CNTNAP5: variants seen among roughly 807,000 people sequenced by gnomAD.
CNTNAP5 encodes contactin associated protein family member 5, also known as contactin-associated protein-like 5.
In CNTNAP5, 72 loss-of-function variants were observed where a neutral mutation model predicts 150.2. That is an observed-to-expected ratio of 0.48 (90% CI 0.40 to 0.58). The LOEUF (loss-of-function observed/expected upper bound fraction) is 0.58. CNTNAP5 is among the 20% of genes least tolerant of loss of function. The pLI is 0.00. For synonymous variants in CNTNAP5, 672 were observed against 619.8 expected (o/e 1.08, Z -1.25); for missense variants, 1,636 against 1,626.2 (o/e 1.01, Z -0.10).
intron 7 of CNTNAP5, among the ~76,000 whole-genome samples, chr2:124,497,219 A>G (rs1694170806): frequency 6.6e-6 from 1 of 152,176 alleles, no homozygotes; most frequent in Non-Finnish European, 1.5e-5. Flanking sequence ...CACTAATAGT[A>G]AACAGTAATA....
chr2:124,031,906 A>G (rs979984372), intron 1 of CNTNAP5, among the ~76,000 whole-genome samples: 20 of 152,152 alleles, frequency 1.3e-4, no homozygotes, highest in African/African-American at 4.3e-4. Context: ...CATGAATCCT[A>G]TGTCATCTTT....
intron 8 of CNTNAP5, among the ~76,000 whole-genome samples, chr2:124,520,815 T>G (rs1694832634): frequency 6.6e-6 from 1 of 152,218 alleles, no homozygotes; most frequent in Non-Finnish European, 1.5e-5. Flanking sequence ...GCCATTTATC[T>G]CAAGGAAGTT....
At chr2:124,328,979 G>A (rs1689284982) in intron 3 of CNTNAP5, among the ~76,000 whole-genome samples, 1 of 152,178 alleles carries the variant, frequency 6.6e-6, no homozygotes, top group South Asian at 2.1e-4. Flanking sequence ...AGAAGGGCCA[G>A]ATGGCTGAAG....
At chr2:124,245,613 G>A (rs1686997442) in intron 3 of CNTNAP5, among the ~76,000 whole-genome samples, 2 of 150,386 alleles carry the variant, frequency 1.3e-5, no homozygotes, top group African/African-American at 2.4e-5. Flanking sequence ...ATATATATAT[G>A]CATGTGTGTG....
intron 3 of CNTNAP5, among the ~76,000 whole-genome samples, chr2:124,273,649 C>T (rs1237452944): frequency 6.6e-6 from 1 of 152,148 alleles, no homozygotes; most frequent in Non-Finnish European, 1.5e-5. Context: ...TAACCCCGAC[C>T]TGCTAAGCTG....
chr2:124,220,605 T>C (rs1309870188), intron 1 of CNTNAP5, among the ~76,000 whole-genome samples: 1 of 152,150 alleles, frequency 6.6e-6, no homozygotes. Flanking sequence ...GAGCAATTTA[T>C]AAGGAACAGA....
intron 19 of CNTNAP5, among the ~76,000 whole-genome samples, chr2:124,851,327 G>A (rs973632092): frequency 9.9e-5 from 15 of 152,182 alleles, no homozygotes; most frequent in Non-Finnish European, 1.8e-4. Context: ...CTGCACTCCA[G>A]CCTGGGCAAC....
At chr2:124,653,803 T>C (rs1678370629) in intron 13 of CNTNAP5, among the ~76,000 whole-genome samples, 1 of 152,074 alleles carries the variant, frequency 6.6e-6, no homozygotes, top group African/African-American at 2.4e-5. Flanking sequence ...TTTTTGAGTA[T>C]CTGTTTTGTG....
chr2:124,377,640 A>T (rs1414419771), intron 3 of CNTNAP5, among the ~76,000 whole-genome samples: 2 of 151,272 alleles, frequency 1.3e-5, no homozygotes, highest in African/African-American at 2.4e-5. Context: ...TCGCCATTGT[A>T]CTCCAGCCTA....
At chr2:124,252,515 A>C (rs1036277181) in intron 3 of CNTNAP5, among the ~76,000 whole-genome samples, 3 of 152,146 alleles carry the variant, frequency 2.0e-5, no homozygotes, top group African/African-American at 7.2e-5. Context: ...GTGGCAGCTC[A>C]AAAAGCCCTT....
chr2:124,877,775 A>T (rs950873104), intron 21 of CNTNAP5, among the ~76,000 whole-genome samples: 8 of 152,140 alleles, frequency 5.3e-5, no homozygotes, highest in African/African-American at 1.9e-4. Context: ...TCACTGTTAC[A>T]AAATAATAGT....
chr2:124,104,593 AT>A (rs1483665312), intron 1 of CNTNAP5, among the ~76,000 whole-genome samples: 1 of 152,272 alleles, frequency 6.6e-6, no homozygotes, highest in South Asian at 2.1e-4. Flanking sequence ...TCCAATGAAC[AT>A]TTTTTAGTCC....
intron 3 of CNTNAP5, among the ~76,000 whole-genome samples, chr2:124,367,046 A>G (rs1235100212): frequency 6.6e-6 from 1 of 152,210 alleles, no homozygotes; most frequent in African/African-American, 2.4e-5. Flanking sequence ...GTCTATGTAC[A>G]TGTTTGATGC....
At chr2:124,063,893 GC>G in intron 1 of CNTNAP5, among the ~76,000 whole-genome samples, 2 of 152,262 alleles carry the variant, frequency 1.3e-5, no homozygotes, top group East Asian at 3.9e-4. Context: ...GTCAGCTTAT[GC>G]CCATTTAACC....
At chr2:124,050,055 G>T (rs919748157) in intron 1 of CNTNAP5, among the ~76,000 whole-genome samples, 1 of 151,944 alleles carries the variant, frequency 6.6e-6, no homozygotes, top group Non-Finnish European at 1.5e-5. Flanking sequence ...ATTTTAATAT[G>T]AATTTTGGGG....
chr2:124,388,718 G>C (rs1690998838), intron 3 of CNTNAP5, among the ~76,000 whole-genome samples: 3 of 151,956 alleles, frequency 2.0e-5, no homozygotes, highest in Non-Finnish European at 4.4e-5. Context: ...TTTTTGAGAT[G>C]GAGTCCTGCT....
At chr2:124,804,699 C>G (rs1474567338) in intron 19 of CNTNAP5, among the ~76,000 whole-genome samples, 1 of 152,116 alleles carries the variant, frequency 6.6e-6, no homozygotes, top group Non-Finnish European at 1.5e-5. Context: ...CCGAGTCAGC[C>G]AGCACTTGTG....
At chr2:124,687,636 A>G (rs917315171) in intron 13 of CNTNAP5, among the ~76,000 whole-genome samples, 6 of 152,028 alleles carry the variant, frequency 3.9e-5, no homozygotes, top group Non-Finnish European at 5.9e-5. Flanking sequence ...CTTCCTGATC[A>G]TGGAAACTAT....
rs1688520368 is a variant in CNTNAP5, at chr2:124,299,434, C to T, written c.381+57041C>T. Among the ~76,000 whole-genome samples, 3 of 152,120 alleles carry T rather than the reference C, an allele frequency of 2.0e-5. No individual in the cohort carries two copies. The South Asian group carries it at 6.2e-4, about 32-fold the overall frequency. On this transcript the variant is annotated intron_variant, in intron 3 of 23. Transcript: ENST00000682447. ...GCTCCCTCTTATAAGTGAGAATATG[C>T]TGTATTTGGTTTTCTGTTCCTGCGT...
Sources: gnomAD v4.1 joint callset for allele counts (sites outside exome capture counted in the v4.1 genomes callset) on GRCh38, gnomAD v4.1.1 for gene constraint, MANE v1.5 for transcripts, NCBI Gene and HGNC (gene_info 2026-07-23, HGNC 2026-07-21) for gene names.